ZMAT4: variants seen among roughly 807,000 people sequenced by gnomAD.
ZMAT4 encodes the protein zinc finger matrin-type protein 4.
A neutral mutation model predicts 28.7 loss-of-function variants in ZMAT4; 17 were observed. That is an observed-to-expected ratio of 0.59 (90% CI 0.41 to 0.89). The LOEUF is 0.89. Among genes scored for constraint, ZMAT4 ranks in the 40% least tolerant of loss-of-function variants. ZMAT4 has a pLI of 0.00. For missense variants in ZMAT4, 240 were observed against 283.8 expected (o/e 0.85, Z 1.11); for synonymous variants, 117 against 109.2 (o/e 1.07, Z -0.44).
At chr8:40,620,732 T>C (rs1320630496) in intron 5 of ZMAT4, among the ~76,000 whole-genome samples, 1 of 152,204 alleles carries the variant, frequency 6.6e-6, no homozygotes, top group Non-Finnish European at 1.5e-5. Context: ...CCATAACAAA[T>C]GGCCCTGGTA....
intron 3 of ZMAT4, among the ~76,000 whole-genome samples, chr8:40,699,985 A>C (rs1443525205): frequency 2.0e-5 from 3 of 152,350 alleles, no homozygotes; most frequent in Non-Finnish European, 2.9e-5. Context: ...ATCACCATAC[A>C]AAATGACTGA....
At chr8:40,689,293 C>A (rs770805854) in intron 4 of ZMAT4, among the ~76,000 whole-genome samples, 1 of 152,196 alleles carries the variant, frequency 6.6e-6, no homozygotes, top group African/African-American at 2.4e-5. Flanking sequence ...CTTCTCTGAG[C>A]CCTGTGAGTG....
At chr8:40,686,468 C>T (rs887808779) in intron 4 of ZMAT4, among the ~76,000 whole-genome samples, 3 of 151,432 alleles carry the variant, frequency 2.0e-5, no homozygotes, top group East Asian at 1.9e-4. Context: ...CCTGTCTCAA[C>T]GAAAAAAAAT....
intron 5 of ZMAT4, among the ~76,000 whole-genome samples, chr8:40,606,256 T>G (rs916538035): frequency 6.6e-6 from 1 of 152,206 alleles, no homozygotes; most frequent in African/African-American, 2.4e-5. Flanking sequence ...CTTTATTGTT[T>G]TATTGTTTTA....
At chr8:40,607,014 G>T (rs567245649) in intron 5 of ZMAT4, among the ~76,000 whole-genome samples, 11 of 150,052 alleles carry the variant, frequency 7.3e-5, no homozygotes, top group African/African-American at 2.7e-4. Flanking sequence ...AGTTTCCAGT[G>T]TATTTTACAT....
chr8:40,792,739 T>G (rs954092153), intron 2 of ZMAT4, among the ~76,000 whole-genome samples: 31 of 16,464 alleles, frequency 1.9e-3, no homozygotes, highest in East Asian at 2.9e-3. Context: ...AGGGGAAGGG[T>G]AGGGGACTGG....
At chr8:40,707,983 T>A (rs945570524) in intron 3 of ZMAT4, among the ~76,000 whole-genome samples, 5 of 152,198 alleles carry the variant, frequency 3.3e-5, no homozygotes, top group Admixed American at 2.6e-4. Context: ...ATCGTTTTTT[T>A]AAAATCTCTC....
chr8:40,669,494 C>T (rs773078502), intron 5 of ZMAT4, among the ~76,000 whole-genome samples: 1 of 151,832 alleles, frequency 6.6e-6, no homozygotes, highest in Non-Finnish European at 1.5e-5. Context: ...CCTCTGCCAC[C>T]CCTGAGTAGC....
chr8:40,743,121 C>T (rs556796587), intron 3 of ZMAT4, among the ~76,000 whole-genome samples: 1 of 151,894 alleles, frequency 6.6e-6, no homozygotes, highest in South Asian at 2.1e-4. Flanking sequence ...TATTAAGAAA[C>T]AATCATTGTA....
At chr8:40,560,556 A>AGTCACTTGTGTCTTGT (rs1803703391) in intron 6 of ZMAT4, among the ~76,000 whole-genome samples, 1 of 152,044 alleles carries the variant, frequency 6.6e-6, no homozygotes, top group South Asian at 2.1e-4. Context: ...TTCAAAATGG[A>AGTCACTTGTGTCTTGT]GTCACTTGTG....
At chr8:40,860,282 G>A (rs71519585) in intron 1 of ZMAT4, among the ~76,000 whole-genome samples, 4,756 of 152,176 alleles carry the variant, frequency 0.031, 121 homozygotes, top group South Asian at 0.084. Context: ...GGCCAAGCTG[G>A]GACCATGAGA....
intron 2 of ZMAT4, among the ~76,000 whole-genome samples, chr8:40,779,630 A>G (rs1327587408): frequency 6.6e-6 from 1 of 152,180 alleles, no homozygotes; most frequent in Non-Finnish European, 1.5e-5. Flanking sequence ...TCGTGACTGA[A>G]TAATAAGAAT....
chr8:40,704,890 TGA>T (rs1468009430), intron 3 of ZMAT4, among the ~76,000 whole-genome samples: 23 of 152,338 alleles, frequency 1.5e-4, no homozygotes, highest in African/African-American at 5.1e-4. Flanking sequence ...TGTTATTGTG[TGA>T]GTTTGTCCAC....
At chr8:40,815,958 G>A (rs750015336) in intron 2 of ZMAT4, among the ~76,000 whole-genome samples, 15 of 152,192 alleles carry the variant, frequency 9.9e-5, no homozygotes, top group Admixed American at 2.6e-4. Context: ...CTCCCTTTGG[G>A]AATCACAGTC....
In ZMAT4 at chr8:40,593,151, G is replaced by A. The variant is rs534209011; in HGVS notation, c.578-11890C>T. Among the ~76,000 whole-genome samples, 19 of 152,194 alleles carry A rather than the reference G, an allele frequency of 1.2e-4. No individual in the cohort carries two copies. In the South Asian group the frequency reaches 2.3e-3, roughly 18 times the overall value. ...CCATGCCGGTGCCATAGATCTCGTC[G>A]GATATAGGGAAGCACTAACACAGCA... On this transcript the variant is annotated intron_variant, in intron 5 of 6. Coordinates refer to ENST00000297737, the MANE Select transcript of ZMAT4 (RefSeq NM_024645.3).
At chr8:40,537,758 G>A (rs1480621440) in intron 6 of ZMAT4, among the ~76,000 whole-genome samples, 2 of 152,154 alleles carry the variant, frequency 1.3e-5, no homozygotes, top group Non-Finnish European at 2.9e-5. Context: ...TATCTAGGGA[G>A]GTCGAACATC....
intron 2 of ZMAT4, among the ~76,000 whole-genome samples, chr8:40,785,267 C>G (rs1050501368): frequency 3.3e-5 from 5 of 152,228 alleles, no homozygotes; most frequent in African/African-American, 1.2e-4. Flanking sequence ...TCACAGCTCT[C>G]ATTGTCTTGG....
intron 5 of ZMAT4, among the ~76,000 whole-genome samples, chr8:40,651,611 C>T (rs1807653872): frequency 6.7e-6 from 1 of 149,028 alleles, no homozygotes; most frequent in Non-Finnish European, 1.5e-5. Flanking sequence ...AAAGAGCCCG[C>T]ATCGCCAAGT....
At chr8:40,621,984 A>G (rs533938981) in intron 5 of ZMAT4, among the ~76,000 whole-genome samples, 7 of 152,342 alleles carry the variant, frequency 4.6e-5, no homozygotes, top group South Asian at 4.1e-4. Context: ...TCTTTCACTT[A>G]GTTTTAGTAA....
Sources: gnomAD v4.1 joint callset for allele counts (sites outside exome capture counted in the v4.1 genomes callset) on GRCh38, gnomAD v4.1.1 for gene constraint, MANE v1.5 for transcripts, NCBI Gene and HGNC (gene_info 2026-07-23, HGNC 2026-07-21) for gene names.